Variants in FRG1 observed in about 807,000 individuals in gnomAD.
The protein encoded by FRG1 is FSHD region gene 1, also known as protein FRG1.
FRG1 carries 19 observed loss-of-function variants against 37.0 expected under a neutral mutation model. The ratio of observed to expected loss-of-function variants is 0.51; its 90% confidence interval spans 0.36 to 0.75. The LOEUF is 0.75. Among genes scored for constraint, FRG1 ranks in the 30% least tolerant of loss-of-function variants. The pLI is 0.00. For missense variants in FRG1, 243 were observed against 301.4 expected (o/e 0.81, Z 1.44); for synonymous variants, 73 against 96.5 (o/e 0.76, Z 1.43).
At chr4:189,950,960 T>C (rs1736728356) in intron 2 of FRG1, among the ~76,000 whole-genome samples, 1 of 152,224 alleles carries the variant, frequency 6.6e-6, no homozygotes, top group Non-Finnish European at 1.5e-5. Context: ...TCAGACCTTG[T>C]AAAATTAACA....
intron 8 of FRG1, 69 bp downstream of exon 8, chr4:189,962,001 T>C (rs1248514983): frequency 8.9e-6 from 7 of 788,382 alleles, no homozygotes; most frequent in Non-Finnish European, 1.5e-5. Flanking sequence ...AAAACCTACA[T>C]TCTCTTAAAT....
Position 189,952,245 on chromosome 4 carries a change from C to T in FRG1, c.217C>T (p.Leu73Phe). Residue 73 changes from leucine (L) to phenylalanine (F), a missense_variant, in exon 3 of 9, where the codon CTC becomes TTC. Around this residue, in one of 2 missense-constraint regions of FRG1, gnomAD observed 110 missense variants for 102.2 expected, o/e 1.08. Transcript: ENST00000226798. ...GGATAAGGGAACCTATATACATGCA[C>T]TCGACAATGGTCTTTTTACCCTGGG... ...EMDKGTYIHALDNGLFTLGAP... is the reference protein window; with the variant it reads ...EMDKGTYIHAFDNGLFTLGAP... 6.2e-7 allele frequency: 1 copy of T among 1,610,718 alleles called. No individual in the cohort carries two copies. Among genetic ancestry groups the T allele is most frequent in the Non-Finnish European group, 8.5e-7 (1 of 1,178,870 alleles).
chr4:189,945,619 G>T (rs978873661), intron 2 of FRG1, among the ~76,000 whole-genome samples: 3 of 152,026 alleles, frequency 2.0e-5, no homozygotes, highest in African/African-American at 7.2e-5. Flanking sequence ...GTTGTCCTTT[G>T]GGATATTGCT....
At chr4:189,952,407 T>G in intron 3 of FRG1, 120 bp downstream of exon 3, 1 of 864,258 alleles carries the variant, frequency 1.2e-6, no homozygotes, top group Admixed American at 2.6e-5. Context: ...TGCATTTGAC[T>G]CTTCCATTTT....
At chr4:189,947,013 C>T (rs374513972) in intron 2 of FRG1, among the ~76,000 whole-genome samples, 4 of 152,132 alleles carry the variant, frequency 2.6e-5, no homozygotes, top group East Asian at 1.9e-4. Flanking sequence ...CCACCACACC[C>T]GGCTAATTTT....
intron 4 of FRG1, 100 bp downstream of exon 4, chr4:189,953,225 T>C: frequency 1.4e-6 from 2 of 1,417,692 alleles, no homozygotes; most frequent in Non-Finnish European, 1.8e-6. Context: ...CAGGGTAATT[T>C]TGATGTAAAA....
chr4:189,959,301 C>T (rs1224013377), intron 6 of FRG1, among the ~76,000 whole-genome samples: 2 of 152,138 alleles, frequency 1.3e-5, no homozygotes, highest in Non-Finnish European at 2.9e-5. Context: ...CCAGCACATG[C>T]GTTGTAGTCT....
chr4:189,961,558 C>A (rs184246550), intron 7 of FRG1: 3 of 231,494 alleles, frequency 1.3e-5, no homozygotes, highest in African/African-American at 7.0e-5. Flanking sequence ...CAGGCGCGTG[C>A]CACTATGCTC....
rs1736398007 is a variant in FRG1 at position 189,943,287 on chromosome 4, A to G, written c.133+15A>G. Reference sequence around the variant, plus strand: ...TGATATTGTTGGTGAGTCAGTTTTCAGTGCTCTATTCTGAAAAAAGTTAAT... The same window carrying G: ...TGATATTGTTGGTGAGTCAGTTTTCGGTGCTCTATTCTGAAAAAAGTTAAT... On this transcript the variant is annotated intron_variant, in intron 2 of 8. Transcript: ENST00000226798. 2 of 1,600,838 alleles carry G rather than the reference A, an allele frequency of 1.2e-6. No homozygotes were observed. The highest frequency in any genetic ancestry group is 4.5e-5 in the East Asian group (2 of 44,710).
At chr4:189,960,723 T>C (rs1579646836) in intron 6 of FRG1, 25 bp from the exon 7 acceptor site, 2 of 1,555,684 alleles carry the variant, frequency 1.3e-6, no homozygotes, top group South Asian at 2.4e-5. Flanking sequence ...ATATAACCCA[T>C]TGGATTCTCT....
intron 2 of FRG1, among the ~76,000 whole-genome samples, chr4:189,950,155 A>G (rs1037383162): frequency 9.9e-5 from 15 of 152,154 alleles, no homozygotes; most frequent in African/African-American, 3.6e-4. Flanking sequence ...CGTCTTTTCA[A>G]GTGCTTATTG....
chr4:189,950,815 A>G (rs182129156), intron 2 of FRG1, among the ~76,000 whole-genome samples: 1 of 152,304 alleles, frequency 6.6e-6, no homozygotes, highest in East Asian at 1.9e-4. Flanking sequence ...ATTTTTTCTT[A>G]GAAAATTTTA....
chr4:189,959,928 C>T (rs62345305), intron 6 of FRG1: 1 of 960,710 alleles, frequency 1.0e-6, no homozygotes, highest in Non-Finnish European at 1.2e-6. Flanking sequence ...TAAAGGTAGC[C>T]TTGTGTTACC....
At chr4:189,962,343 G>T (rs1346894887) in intron 8 of FRG1, among the ~76,000 whole-genome samples, 2 of 152,152 alleles carry the variant, frequency 1.3e-5, no homozygotes, top group African/African-American at 4.8e-5. Flanking sequence ...AATTGAAGCA[G>T]TTTTATTATA....
Position 189,952,247 on chromosome 4 carries a change from C to A in FRG1, c.219C>A (p.Leu73=), listed in dbSNP as rs1458039613. 6.2e-7 allele frequency: 1 copy of A among 1,610,608 alleles called. No individual in the cohort carries two copies. Among genetic ancestry groups the A allele is most frequent in the East Asian group, 2.2e-5 (1 of 44,816 alleles). The change falls in exon 3 of 9, where the codon CTC becomes CTA. Residue 73 remains leucine (L), a synonymous_variant. Coordinates refer to ENST00000226798, the MANE Select transcript of FRG1 (RefSeq NM_004477.3). ...ATAAGGGAACCTATATACATGCACT[C>A]GACAATGGTCTTTTTACCCTGGGAG... ...EMDKGTYIHA[L]DNGLFTLGAP... is the part of the protein sequence containing the mutation.
intron 2 of FRG1, among the ~76,000 whole-genome samples, chr4:189,951,693 C>A (rs1389188051): frequency 2.0e-5 from 3 of 151,934 alleles, no homozygotes; most frequent in Admixed American, 6.6e-5. Context: ...TGAGACAGGA[C>A]CTTGCTCTGT....
chr4:189,943,445 T>C (rs1327709991), intron 2 of FRG1, among the ~76,000 whole-genome samples, 173 bp downstream of exon 2: 1 of 152,160 alleles, frequency 6.6e-6, no homozygotes, highest in Non-Finnish European at 1.5e-5. Flanking sequence ...ATGCTACTGA[T>C]GCCTTTACTT....
rs70947949 is a variant in FRG1 at position 189,952,099 on chromosome 4, CAA to C, written c.134-56_134-55del. The stretch of plus-strand genomic sequence containing the variant: ...AGTTTTTAAAATTAAGTTATAATAA[CAA>C]AAAAAAGAACTCTGTGTCAAAACTA... On this transcript the variant is annotated intron_variant, in intron 2 of 8. Transcript: ENST00000226798. 4 of 1,230,072 alleles carry C rather than the reference CAA, an allele frequency of 3.3e-6. No individual in the cohort carries two copies. In the African/African-American group the frequency reaches 4.6e-5, roughly 14 times the overall value. 76.2% of individuals were successfully genotyped at this position (1,230,072 alleles called of 1,614,324 possible).
intron 6 of FRG1, among the ~76,000 whole-genome samples, chr4:189,958,334 G>A (rs1737076610): frequency 6.6e-6 from 1 of 152,080 alleles, no homozygotes; most frequent in African/African-American, 2.4e-5. Flanking sequence ...GAATTACCAG[G>A]TCGGGGTATA....
Sources: allele counts gnomAD v4.1 joint callset (sites outside exome capture counted in the v4.1 genomes callset), GRCh38; gene constraint gnomAD v4.1.1; regional missense constraint gnomAD v4.1.1; transcripts MANE v1.5; gene names NCBI Gene and HGNC (gene_info 2026-07-23, HGNC 2026-07-21).